The following FAM174B variants were observed in gnomAD, a reference collection of about 807,000 sequenced individuals.
FAM174B encodes the protein membrane protein FAM174B.
Under a neutral mutation model 10.9 loss-of-function variants are expected in FAM174B, and 12 were observed. That is an observed-to-expected ratio of 1.10 (90% CI 0.71 to 1.79). FAM174B has a LOEUF of 1.79. FAM174B is among the 40% of genes most tolerant of loss of function. The probability of loss-of-function intolerance (pLI) is 0.00; values close to 1 mark genes in which losing one functional copy is unlikely to be tolerated. For missense variants in FAM174B, 266 were observed against 233.3 expected, an observed-to-expected ratio of 1.14 and a Z score of -0.91; for synonymous variants, 132 against 115.8, an observed-to-expected ratio of 1.14 and a Z score of -0.90.
rs1420683382 is a variant in FAM174B, at chr15:92,630,354, G to A, written c.345-9C>T. On this transcript the variant is annotated splice_polypyrimidine_tract_variant and intron_variant, in intron 1 of 2. Coordinates refer to ENST00000327355, the MANE Select transcript of FAM174B (RefSeq NM_207446.3). ...TTAACCTCTTTCCCGACCTGCAGGA[G>A]AAGAAGCACATTCATGAGAACACAG... 10 of 1,605,750 alleles carry A rather than the reference G, an allele frequency of 6.2e-6. No individual in the cohort carries two copies. The highest frequency in any genetic ancestry group is 1.3e-5 in the African/African-American group (1 of 74,720).
rs1217089879 is a variant in FAM174B at position 92,654,799 on chromosome 15, A to G, written c.344+517T>C. Among the ~76,000 whole-genome samples, 13 of 146,956 alleles carry G rather than the reference A, an allele frequency of 8.8e-5. 1 individual carries two copies. The highest frequency in any genetic ancestry group is 1.3e-4 in the Admixed American group (2 of 15,060). ...CTTCTTTCAGTAGCAAAAAAAAAAAAAAGAAGAAGAAGAAGAAGAAGAAAA... is the reference window on the plus strand; with the variant it reads ...CTTCTTTCAGTAGCAAAAAAAAAAAGAAGAAGAAGAAGAAGAAGAAGAAAA... On this transcript the variant is annotated intron_variant, in intron 1 of 2. Transcript: ENST00000327355.
chr15:92,632,263 G>A (rs995553349), intron 1 of FAM174B, among the ~76,000 whole-genome samples: 5 of 152,164 alleles, frequency 3.3e-5, no homozygotes, highest in Non-Finnish European at 5.9e-5. Flanking sequence ...ACAGGCTCTC[G>A]GCCGGGTGCG....
intron 1 of FAM174B, among the ~76,000 whole-genome samples, chr15:92,653,387 A>T (rs2050979880): frequency 6.6e-6 from 1 of 152,130 alleles, no homozygotes; most frequent in Non-Finnish European, 1.5e-5. Flanking sequence ...ATACCTTCTA[A>T]AAAAAATACA....
In FAM174B at chr15:92,622,766, T is replaced by C. The variant is rs115671013; in HGVS notation, c.477-3307A>G. 6.6e-3 allele frequency among the ~76,000 whole-genome samples: 1,013 copies of C among 152,360 alleles called. 17 individuals are homozygous for C. The highest frequency in any genetic ancestry group is 0.023 in the African/African-American group (957 of 41,580). ...TCACTTCGTGGTCCTCTCGAACTTGTAGGTTTCACCACCTCTGGGAAGAAC... is the reference window on the plus strand; with the variant it reads ...TCACTTCGTGGTCCTCTCGAACTTGCAGGTTTCACCACCTCTGGGAAGAAC... On this transcript the variant is annotated intron_variant, in intron 2 of 2. Transcript: ENST00000327355.
chr15:92,630,203 CCA>C lies in FAM174B; in HGVS notation c.476+9_476+10del, dbSNP rs1429316752. On this transcript the variant is annotated intron_variant, in intron 2 of 2. Transcript: ENST00000327355. The stretch of plus-strand genomic sequence containing the variant: ...CAAGCCCAGGAGGAAGCCTCTGTCT[CCA>C]CCCTGTACCTGTATTTGATGTCGAA... The C allele has an allele frequency of 6.2e-7, 1 of 1,613,092 alleles. No individual in the cohort carries two copies. The highest frequency in any genetic ancestry group is 1.1e-5 in the South Asian group (1 of 90,994).
In FAM174B at chr15:92,655,676, A is replaced by C; in HGVS notation, c.-17T>G. On this transcript the variant is annotated 5_prime_UTR_variant, in exon 1 of 3. Transcript: ENST00000327355. ...GGCGCGCATAGTGCGGTGGGTCGGC[A>C]CAGGATCGGGCAGGGCGCGCGCGGC... 1.6e-6 allele frequency: 2 copies of C among 1,250,978 alleles called. No homozygotes were observed. The highest frequency in any genetic ancestry group is 2.0e-6 in the Non-Finnish European group (2 of 1,001,066). The allele number at this position is 1,250,978 out of a possible 1,614,324, so 77.5% of individuals were successfully genotyped here.
chr15:92,650,311 G>A (rs1016170917), intron 1 of FAM174B, among the ~76,000 whole-genome samples: 1 of 152,224 alleles, frequency 6.6e-6, no homozygotes, highest in Non-Finnish European at 1.5e-5. Context: ...GGGCATAGCA[G>A]TGTGCACCTT....
At chr15:92,630,852 CAT>C (rs2050792090) in intron 1 of FAM174B, among the ~76,000 whole-genome samples, 3 of 49,106 alleles carry the variant, frequency 6.1e-5, no homozygotes, top group Admixed American at 2.3e-4. Flanking sequence ...TTACATATTA[CAT>C]GTTACATATT....
At chr15:92,632,473 C>T (rs886772512) in intron 1 of FAM174B, among the ~76,000 whole-genome samples, 6 of 152,190 alleles carry the variant, frequency 3.9e-5, no homozygotes, top group Admixed American at 1.3e-4. Flanking sequence ...GCTGAGATTG[C>T]GCCACTGCCC....
chr15:92,626,290 G>A (rs1354772642), intron 2 of FAM174B, among the ~76,000 whole-genome samples: 3 of 151,986 alleles, frequency 2.0e-5, no homozygotes, highest in South Asian at 4.2e-4. Context: ...AGTAGAGACA[G>A]GGTTTCACCG....
At chr15:92,622,193 C>T (rs376796344) in intron 2 of FAM174B, among the ~76,000 whole-genome samples, 15 of 152,374 alleles carry the variant, frequency 9.8e-5, no homozygotes, top group African/African-American at 3.1e-4. Flanking sequence ...CCCTACCAGG[C>T]TCTCTGCCCT....
intron 1 of FAM174B, among the ~76,000 whole-genome samples, chr15:92,635,281 T>G (rs2050847836): frequency 6.6e-6 from 1 of 152,104 alleles, no homozygotes; most frequent in Non-Finnish European, 1.5e-5. Flanking sequence ...ATGCCAGTTT[T>G]GACATAATGA....
At chr15:92,648,140 C>A (rs1478095963) in intron 1 of FAM174B, among the ~76,000 whole-genome samples, 2 of 152,172 alleles carry the variant, frequency 1.3e-5, no homozygotes, top group East Asian at 3.9e-4. Context: ...TGATTCATGT[C>A]TTTGCCTGTA....
At chr15:92,635,245 A>G (rs2050847629) in intron 1 of FAM174B, among the ~76,000 whole-genome samples, 1 of 152,120 alleles carries the variant, frequency 6.6e-6, no homozygotes, top group African/African-American at 2.4e-5. Context: ...AAAGGCTATT[A>G]GCAAGAGTCC....
chr15:92,629,167 G>A (rs1023557439), intron 2 of FAM174B, among the ~76,000 whole-genome samples: 5 of 152,342 alleles, frequency 3.3e-5, no homozygotes, highest in East Asian at 3.9e-4. Context: ...GGGGAGCCAA[G>A]ATAGGGACCA....
intron 2 of FAM174B, among the ~76,000 whole-genome samples, chr15:92,629,399 C>G (rs1464817180): frequency 6.6e-6 from 1 of 152,202 alleles, no homozygotes; most frequent in African/African-American, 2.4e-5. Flanking sequence ...CTTTAAGAAA[C>G]ACACCTGCCT....
intron 2 of FAM174B, among the ~76,000 whole-genome samples, chr15:92,621,432 T>A (rs997967501): frequency 2.6e-5 from 4 of 152,014 alleles, no homozygotes; most frequent in Non-Finnish European, 5.9e-5. Context: ...GGCAACATAC[T>A]GAGAGCTTGT....
chr15:92,655,270 C>T, intron 1 of FAM174B, 46 bp downstream of exon 1: 1 of 1,486,590 alleles, frequency 6.7e-7, no homozygotes, highest in Non-Finnish European at 9.0e-7. Context: ...GTTGGCGATG[C>T]CGCCCTGTCG....
chr15:92,655,173 T>C (rs2050993151), intron 1 of FAM174B, 143 bp downstream of exon 1: 1 of 1,236,692 alleles, frequency 8.1e-7, no homozygotes, highest in Non-Finnish European at 1.1e-6. Flanking sequence ...CCACCCACTC[T>C]CCCGGGCAGG....
Sources: gnomAD v4.1 joint callset for allele counts (sites outside exome capture counted in the v4.1 genomes callset) on GRCh38, gnomAD v4.1.1 for gene constraint, MANE v1.5 for transcripts, NCBI Gene and HGNC (gene_info 2026-07-23, HGNC 2026-07-21) for gene names.